The following FHIT variants were observed in gnomAD, a reference collection of about 807,000 sequenced individuals.
The protein encoded by FHIT is fragile histidine triad diadenosine triphosphatase.
Under a neutral mutation model 17.9 loss-of-function variants are expected in FHIT, and 19 were observed. The ratio of observed to expected loss-of-function variants is 1.06; its 90% CI spans 0.74 to 1.56. The LOEUF (loss-of-function observed/expected upper bound fraction) is 1.56. FHIT is among the 40% of genes most tolerant of loss of function. FHIT has a pLI of 0.00. For synonymous variants in FHIT, 81 were observed against 69.7 expected (o/e 1.16, Z -0.81); for missense variants, 248 against 189.2 (o/e 1.31, Z -1.82).
At chr3:60,678,266 T>C (rs576062532) in intron 4 of FHIT, among the ~76,000 whole-genome samples, 105 of 152,312 alleles carry the variant, frequency 6.9e-4, no homozygotes, top group African/African-American at 2.5e-3. Context: ...CAGATACAAA[T>C]TCACCATATT....
chr3:59,997,317 G>A (rs777035777), intron 7 of FHIT, among the ~76,000 whole-genome samples: 2 of 152,080 alleles, frequency 1.3e-5, no homozygotes, highest in Admixed American at 6.6e-5. Flanking sequence ...AAGAAATAGA[G>A]AATCAATCCA....
chr3:60,625,400 T>TCA (rs1553680569), intron 4 of FHIT, among the ~76,000 whole-genome samples: 1 of 152,230 alleles, frequency 6.6e-6, no homozygotes, highest in African/African-American at 2.4e-5. Context: ...TGTTACATTC[T>TCA]CACCAGCAAT....
intron 5 of FHIT, among the ~76,000 whole-genome samples, chr3:60,191,117 A>T (rs1289305089): frequency 6.6e-6 from 1 of 152,162 alleles, no homozygotes; most frequent in East Asian, 1.9e-4. Context: ...ATAAAATAAA[A>T]TAAAAAAACA....
intron 5 of FHIT, among the ~76,000 whole-genome samples, chr3:60,095,379 T>C (rs1253175680): frequency 3.3e-5 from 5 of 152,210 alleles, no homozygotes; most frequent in Non-Finnish European, 1.5e-5. Context: ...TAAGTGCTTT[T>C]TCTATTGTTT....
At chr3:60,047,144 G>A (rs76525121) in intron 5 of FHIT, among the ~76,000 whole-genome samples, 2 of 152,172 alleles carry the variant, frequency 1.3e-5, no homozygotes, top group Admixed American at 6.5e-5. Context: ...TCCACAAAAC[G>A]TAACAGTCGG....
intron 5 of FHIT, among the ~76,000 whole-genome samples, chr3:60,091,809 T>C (rs1389412440): frequency 1.3e-5 from 2 of 152,090 alleles, no homozygotes; most frequent in African/African-American, 4.8e-5. Context: ...CCCCTTTCCC[T>C]TTGCCATGAC....
intron 8 of FHIT, among the ~76,000 whole-genome samples, chr3:59,847,620 T>A (rs776494098): frequency 6.6e-6 from 1 of 152,214 alleles, no homozygotes; most frequent in Non-Finnish European, 1.5e-5. Flanking sequence ...TTCCCTTTAA[T>A]GCTTAATACG....
chr3:60,552,433 A>G (rs2036591547), intron 4 of FHIT, among the ~76,000 whole-genome samples: 1 of 152,144 alleles, frequency 6.6e-6, no homozygotes, highest in African/African-American at 2.4e-5. Context: ...ACCATTTTAC[A>G]TTACCACCAC....
At chr3:60,162,243 T>G (rs191906458) in intron 5 of FHIT, among the ~76,000 whole-genome samples, 2 of 152,204 alleles carry the variant, frequency 1.3e-5, no homozygotes, top group Non-Finnish European at 2.9e-5. Context: ...TTTTAAAATT[T>G]TGTTGTGTCA....
chr3:59,768,620 A>T (rs770429103), intron 8 of FHIT, among the ~76,000 whole-genome samples: 7 of 152,252 alleles, frequency 4.6e-5, no homozygotes, highest in Admixed American at 1.3e-4. Flanking sequence ...GACTTCCCAG[A>T]CATCAATGTC....
At chr3:60,903,153 C>T (rs1448234146) in intron 3 of FHIT, among the ~76,000 whole-genome samples, 2 of 152,052 alleles carry the variant, frequency 1.3e-5, no homozygotes, top group Non-Finnish European at 2.9e-5. Context: ...TTATTATACA[C>T]ACAAAATAAT....
chr3:60,057,604 G>A (rs928441852), intron 5 of FHIT, among the ~76,000 whole-genome samples: 4 of 151,884 alleles, frequency 2.6e-5, no homozygotes, highest in South Asian at 2.1e-4. Flanking sequence ...TTGGATAGAC[G>A]TAGAAATTGA....
In FHIT at chr3:60,960,334, T is replaced by G. The variant is rs573811382; in HGVS notation, c.-111+81713A>C. On this transcript the variant is annotated intron_variant, in intron 3 of 9. Coordinates refer to ENST00000492590, the MANE Select transcript of FHIT (RefSeq NM_002012.4). ...CTGACGTCTAAAGAGCACTTCACTG[T>G]TGCTCTTGGTTGGACTCTAAATCAC... Among the ~76,000 whole-genome samples the G allele has an allele frequency of 4.6e-5, 7 of 152,340 alleles. No homozygotes were observed. The South Asian group carries it at 1.4e-3, about 32-fold the overall frequency.
In FHIT at chr3:60,657,071, T is replaced by A. The variant is rs1046645339; in HGVS notation, c.-17-120092A>T. Among the ~76,000 whole-genome samples, 11 of 151,626 alleles carry A rather than the reference T, an allele frequency of 7.3e-5. No homozygotes were observed. In the South Asian group the frequency reaches 8.4e-4, roughly 12 times the overall value. ...TAGAGCCACTCAGAAGGCAAGGAAG[T>A]CCTATTTCTTTTTATAACATACATG... On this transcript the variant is annotated intron_variant, in intron 4 of 9. Transcript: ENST00000492590.
At chr3:61,162,817 G>C (rs554122391) in intron 2 of FHIT, among the ~76,000 whole-genome samples, 29 of 152,262 alleles carry the variant, frequency 1.9e-4, no homozygotes, top group African/African-American at 7.0e-4. Context: ...CCCACCCTCA[G>C]AAACCAGTTT....
intron 4 of FHIT, chr3:60,537,441 G>C (rs2036024273): frequency 1.0e-6 from 1 of 979,424 alleles, no homozygotes; most frequent in Non-Finnish European, 1.2e-6. Flanking sequence ...TTTAGAACAA[G>C]TACGAACACT....
intron 7 of FHIT, among the ~76,000 whole-genome samples, chr3:59,961,870 AG>A (rs2107347953): frequency 6.6e-6 from 1 of 151,216 alleles, no homozygotes; most frequent in East Asian, 2.0e-4. Context: ...CCATCTTGAC[AG>A]CCACCACCCC....
chr3:59,987,241 C>T lies in FHIT; in HGVS notation c.279+24130G>A, dbSNP rs1431630438. On this transcript the variant is annotated intron_variant, in intron 7 of 9. Transcript: ENST00000492590. ...TTATTTAGGACTGCTTTTCCTGAAA[C>T]TCTGTAAAAGTTTTCATCATACTAG... Among the ~76,000 whole-genome samples the T allele has an allele frequency of 4.7e-5, 7 of 150,396 alleles. No individual in the cohort carries two copies. The South Asian group carries it at 6.3e-4, about 14-fold the overall frequency.
At chr3:60,170,236 G>A (rs1298650069) in intron 5 of FHIT, among the ~76,000 whole-genome samples, 2 of 152,146 alleles carry the variant, frequency 1.3e-5, no homozygotes, top group Non-Finnish European at 2.9e-5. Flanking sequence ...AAGTGGCTGG[G>A]CAACTGTCCT....
Sources: allele counts gnomAD v4.1 joint callset (sites outside exome capture counted in the v4.1 genomes callset), GRCh38; gene constraint gnomAD v4.1.1; transcripts MANE v1.5; gene names NCBI Gene and HGNC (gene_info 2026-07-23, HGNC 2026-07-21).